Variants in COL5A2 observed in about 807,000 individuals in gnomAD.
COL5A2 encodes collagen alpha-2(V) chain.
In COL5A2, 23 loss-of-function variants were observed where a neutral mutation model predicts 208.2. The ratio of observed to expected loss-of-function variants is 0.11; its 90% CI spans 0.08 to 0.16. The LOEUF (loss-of-function observed/expected upper bound fraction) is 0.16, where lower values mean the gene tolerates loss of function less well. Ranked by LOEUF, COL5A2 falls within the 10% of genes least tolerant of loss-of-function variation. COL5A2 has a pLI of 1.00. For synonymous variants in COL5A2, 625 were observed against 628.5 expected (o/e 0.99, Z 0.08); for missense variants, 1,590 against 1,956.4 (o/e 0.81, Z 3.53).
the COL5A2 span, among the ~76,000 whole-genome samples, chr2:189,391,164 G>A: frequency 6.6e-6 from 1 of 152,164 alleles, no homozygotes; most frequent in African/African-American, 2.4e-5. Context: ...AGTAACAAAT[G>A]CTCTGAGACC....
chr2:189,178,780 T>C (rs1688728935), intron 1 of COL5A2, among the ~76,000 whole-genome samples: 1 of 146,822 alleles, frequency 6.8e-6, no homozygotes, highest in African/African-American at 2.6e-5. Flanking sequence ...CCAAATAAGA[T>C]ATATACAAGA....
chr2:189,167,944 A>ATTTT (rs71020985), intron 1 of COL5A2, among the ~76,000 whole-genome samples: 77,192 of 139,434 alleles, frequency 0.55, 22,637 homozygotes, highest in Non-Finnish European at 0.65. Flanking sequence ...ACAAACTCCT[A>ATTTT]TTTTTTTTTT....
intron 1 of COL5A2, among the ~76,000 whole-genome samples, chr2:189,221,964 T>A (rs763027543): frequency 6.6e-6 from 1 of 152,062 alleles, no homozygotes; most frequent in African/African-American, 2.4e-5. Flanking sequence ...GAAATATGAA[T>A]GTGTACATAA....
At chr2:189,206,777 T>C (rs982630843) in intron 1 of COL5A2, among the ~76,000 whole-genome samples, 1 of 152,164 alleles carries the variant, frequency 6.6e-6, no homozygotes, top group Non-Finnish European at 1.5e-5. Flanking sequence ...ACAGCAGGAT[T>C]GTGAAAGATG....
the COL5A2 span, among the ~76,000 whole-genome samples, chr2:189,264,621 C>A: frequency 1.3e-3 from 203 of 152,114 alleles, 2 homozygotes; most frequent in African/African-American, 4.7e-3. Flanking sequence ...AGTGTATAAT[C>A]ACGAATAGCT....
At chr2:189,165,176 A>C (rs1688441637) in intron 1 of COL5A2, among the ~76,000 whole-genome samples, 1 of 152,232 alleles carries the variant, frequency 6.6e-6, no homozygotes, top group East Asian at 1.9e-4. Context: ...TGTACCACTT[A>C]ATTTGCCAAA....
intron 1 of COL5A2, among the ~76,000 whole-genome samples, chr2:189,118,942 TA>T (rs11291106): frequency 0.96 from 144,881 of 151,588 alleles, 69,579 homozygotes; most frequent in East Asian, 1. Context: ...ATAGAATCTT[TA>T]AAAAAAAAAC....
At chr2:189,061,805 A>T (rs1208992513) in intron 29 of COL5A2, among the ~76,000 whole-genome samples, 190 bp from the exon 30 acceptor site, 1 of 152,172 alleles carries the variant, frequency 6.6e-6, no homozygotes, top group Non-Finnish European at 1.5e-5. Flanking sequence ...GAGGTGAGAA[A>T]ATATCTTCTA....
At chr2:189,400,850 C>T in the COL5A2 span, among the ~76,000 whole-genome samples, 2,977 of 152,230 alleles carry the variant, frequency 0.02, 99 homozygotes, top group African/African-American at 0.068. Flanking sequence ...AAAGGGGAAA[C>T]ATCAAAGCTG....
the COL5A2 span, among the ~76,000 whole-genome samples, chr2:189,247,603 C>G: frequency 3.0e-4 from 44 of 146,084 alleles, no homozygotes; most frequent in Non-Finnish European, 5.7e-4. Flanking sequence ...TTTTTTGAGA[C>G]AGAGTCTTGC....
intron 42 of COL5A2, 144 bp from the exon 43 acceptor site, chr2:189,050,820 T>C (rs1685769976): frequency 3.0e-6 from 2 of 676,050 alleles, no homozygotes; most frequent in South Asian, 3.7e-5. Context: ...TGCATATGAG[T>C]AGTCATAAAT....
chr2:189,434,304 A>G, the COL5A2 span, among the ~76,000 whole-genome samples: 2 of 152,202 alleles, frequency 1.3e-5, no homozygotes, highest in Non-Finnish European at 2.9e-5. Flanking sequence ...ACTCCTATTC[A>G]ACATAGTGTT....
At chr2:189,365,310 T>C in the COL5A2 span, among the ~76,000 whole-genome samples, 6 of 152,232 alleles carry the variant, frequency 3.9e-5, no homozygotes, top group Admixed American at 3.9e-4. Context: ...CATGCCTCTA[T>C]ATTTTTGCAT....
intron 1 of COL5A2, among the ~76,000 whole-genome samples, chr2:189,219,847 G>A (rs1403108864): frequency 2.8e-5 from 4 of 145,428 alleles, no homozygotes; most frequent in Non-Finnish European, 4.5e-5. Flanking sequence ...ACAGCTTCAC[G>A]GATACATGAC....
intron 1 of COL5A2, among the ~76,000 whole-genome samples, chr2:189,147,209 CA>C (rs1377394531): frequency 2.6e-5 from 4 of 152,072 alleles, no homozygotes; most frequent in African/African-American, 9.7e-5. Context: ...GCCAAAAATG[CA>C]TTGTTATATT....
chr2:189,155,909 C>T (rs186648178), intron 1 of COL5A2, among the ~76,000 whole-genome samples: 9 of 152,232 alleles, frequency 5.9e-5, no homozygotes, highest in Admixed American at 3.9e-4. Flanking sequence ...CTTCTAGAGG[C>T]CAACTACATT....
the COL5A2 span, among the ~76,000 whole-genome samples, chr2:189,239,431 A>C: frequency 6.6e-6 from 1 of 152,002 alleles, no homozygotes; most frequent in Non-Finnish European, 1.5e-5. Flanking sequence ...AGAGGGAGGC[A>C]GGAGGAACAC....
At chr2:189,363,150 A>G in the COL5A2 span, among the ~76,000 whole-genome samples, 14 of 152,126 alleles carry the variant, frequency 9.2e-5, no homozygotes, top group Non-Finnish European at 1.6e-4. Context: ...CCTTTCATTA[A>G]CTTTTTAAAA....
the COL5A2 span, among the ~76,000 whole-genome samples, chr2:189,309,092 T>C: frequency 1.3e-5 from 2 of 152,192 alleles, no homozygotes; most frequent in African/African-American, 4.8e-5. Context: ...AGGAGGTAGC[T>C]TGTCAGGCAT....
Sources: gnomAD v4.1 joint callset for allele counts (sites outside exome capture counted in the v4.1 genomes callset) on GRCh38, gnomAD v4.1.1 for gene constraint, MANE v1.5 for transcripts, NCBI Gene and HGNC (gene_info 2026-07-23, HGNC 2026-07-21) for gene names.